Variants in GRM5 observed in about 807,000 individuals in gnomAD.
GRM5 encodes the protein glutamate metabotropic receptor 5, also known as metabotropic glutamate receptor 5.
GRM5 carries 19 observed loss-of-function variants against 83.1 expected under a neutral mutation model. The observed-to-expected ratio is 0.23, with a 90% confidence interval of 0.16 to 0.34. The LOEUF is 0.34. GRM5 is among the 10% of genes least tolerant of loss of function. GRM5 has a pLI of 1.00. For synonymous variants in GRM5, 675 were observed against 633.6 expected, an observed-to-expected ratio of 1.07 and a Z score of -0.98; for missense variants, 1,160 against 1,588.3, an observed-to-expected ratio of 0.73 and a Z score of 4.58.
chr11:88,809,937 C>A (rs1333652728), intron 3 of GRM5, among the ~76,000 whole-genome samples: 1 of 151,914 alleles, frequency 6.6e-6, no homozygotes, highest in Non-Finnish European at 1.5e-5. Context: ...GTTTCTTAAA[C>A]CTGATATTTG....
intron 2 of GRM5, among the ~76,000 whole-genome samples, chr11:89,036,463 G>A (rs189019531): frequency 1.2e-3 from 184 of 152,116 alleles, no homozygotes; most frequent in African/African-American, 4.3e-3. Context: ...GCCAAGATAA[G>A]GCAAGACAGG....
chr11:88,891,545 T>A (rs557162843), intron 2 of GRM5, among the ~76,000 whole-genome samples: 1 of 144,750 alleles, frequency 6.9e-6, no homozygotes, highest in South Asian at 2.3e-4. Flanking sequence ...AGTCTTAACT[T>A]ATATTTTTGT....
At chr11:88,779,060 TC>T (rs1341090485) in intron 3 of GRM5, among the ~76,000 whole-genome samples, 4 of 152,228 alleles carry the variant, frequency 2.6e-5, no homozygotes, top group Non-Finnish European at 5.9e-5. Flanking sequence ...CTCACAAAAA[TC>T]TTTTATAGAT....
At chr11:88,739,045 ATAAAAT>A (rs1941976261) in intron 3 of GRM5, among the ~76,000 whole-genome samples, 1 of 152,078 alleles carries the variant, frequency 6.6e-6, no homozygotes, top group Non-Finnish European at 1.5e-5. Context: ...CAAAATTTCC[ATAAAAT>A]TAAAATTACG....
At chr11:88,645,515 A>G (rs7946838) in intron 4 of GRM5, among the ~76,000 whole-genome samples, 3,334 of 152,190 alleles carry the variant, frequency 0.022, 94 homozygotes, top group East Asian at 0.12. Context: ...GGGTTTAAGA[A>G]ATAGGAGATG....
At chr11:88,783,263 G>T (rs1253578564) in intron 3 of GRM5, among the ~76,000 whole-genome samples, 1 of 152,104 alleles carries the variant, frequency 6.6e-6, no homozygotes, top group East Asian at 1.9e-4. Context: ...AATGATTTAT[G>T]AATTATAGTC....
intron 3 of GRM5, among the ~76,000 whole-genome samples, chr11:88,796,922 G>A (rs893294818): frequency 4.0e-4 from 59 of 147,902 alleles, no homozygotes; most frequent in Admixed American, 1.3e-3. Context: ...GTGTGTGTGT[G>A]TGTGTGTGTG....
At chr11:88,736,909 C>T (rs974695881) in intron 3 of GRM5, among the ~76,000 whole-genome samples, 2 of 152,032 alleles carry the variant, frequency 1.3e-5, no homozygotes, top group African/African-American at 2.4e-5. Flanking sequence ...CTAAGTTTCC[C>T]GTGCTGTGCC....
At chr11:88,953,742 G>A (rs892722072) in intron 2 of GRM5, among the ~76,000 whole-genome samples, 1 of 32,164 alleles carries the variant, frequency 3.1e-5, no homozygotes, top group Non-Finnish European at 2.9e-4. Flanking sequence ...GTAATTTATG[G>A]TGAAAAAAAT....
rs1026312078 is a variant in GRM5 at position 88,759,208 on chromosome 11, A to T, written c.911+90698T>A. Among the ~76,000 whole-genome samples, 3 of 152,110 alleles carry T rather than the reference A, an allele frequency of 2.0e-5. No individual in the cohort carries two copies. The East Asian group carries it at 5.8e-4, about 29-fold the overall frequency. On this transcript the variant is annotated intron_variant, in intron 3 of 9. Coordinates refer to ENST00000305447, the MANE Select transcript of GRM5 (RefSeq NM_001143831.3). ...AACCAGCTAACATCATGATGACAAG[A>T]TCAAATCCACACATATCAATACTCA...
chr11:88,958,764 T>C (rs1938698763), intron 2 of GRM5, among the ~76,000 whole-genome samples: 2 of 152,192 alleles, frequency 1.3e-5, no homozygotes, highest in African/African-American at 4.8e-5. Context: ...ATTTACTATA[T>C]TAAAAACTAA....
chr11:89,005,744 C>A (rs1940505627), intron 2 of GRM5, among the ~76,000 whole-genome samples: 1 of 152,072 alleles, frequency 6.6e-6, no homozygotes, highest in African/African-American at 2.4e-5. Context: ...CTTCAGTGAT[C>A]ATTGGCCAGA....
chr11:88,916,520 A>G (rs1398229592), intron 2 of GRM5, among the ~76,000 whole-genome samples: 2 of 152,136 alleles, frequency 1.3e-5, no homozygotes, highest in Admixed American at 6.6e-5. Context: ...AACCTGAGCC[A>G]TGGCTAGCAC....
chr11:88,933,730 T>C (rs968600929), intron 2 of GRM5, among the ~76,000 whole-genome samples: 14 of 151,864 alleles, frequency 9.2e-5, no homozygotes, highest in Admixed American at 7.9e-4. Context: ...AACCAAGAAA[T>C]CACACATGTT....
intron 3 of GRM5, among the ~76,000 whole-genome samples, chr11:88,842,112 T>C (rs1314763577): frequency 6.6e-6 from 1 of 152,186 alleles, no homozygotes; most frequent in African/African-American, 2.4e-5. Context: ...AATTTTAACT[T>C]CTTATAATAG....
rs190529841 is a variant in GRM5, at chr11:88,762,127, A to G, written c.911+87779T>C. ...TAATACCATTCTGGACATAGGAATG[A>G]GCAAAGATTTTATGACAAAGACACC... On this transcript the variant is annotated intron_variant, in intron 3 of 9. Coordinates refer to ENST00000305447, the MANE Select transcript of GRM5 (RefSeq NM_001143831.3). Among the ~76,000 whole-genome samples the G allele has an allele frequency of 2.5e-3, 387 of 152,202 alleles. 1 individual carries two copies. Among genetic ancestry groups the G allele is most frequent in the African/African-American group, 9.1e-3 (379 of 41,558 alleles).
At chr11:89,028,662 A>T (rs1466015822) in intron 2 of GRM5, among the ~76,000 whole-genome samples, 2 of 152,248 alleles carry the variant, frequency 1.3e-5, no homozygotes, top group African/African-American at 2.4e-5. Flanking sequence ...ACATGACGAA[A>T]GTGTTTGGTA....
At chr11:89,043,715 G>T (rs2135145284) in intron 2 of GRM5, among the ~76,000 whole-genome samples, 1 of 152,176 alleles carries the variant, frequency 6.6e-6, no homozygotes, top group Admixed American at 6.5e-5. Flanking sequence ...ATAATAGTCA[G>T]CTGGGTAATG....
intron 2 of GRM5, among the ~76,000 whole-genome samples, chr11:89,028,241 C>G (rs74820049): frequency 0.023 from 3,521 of 152,190 alleles, 132 homozygotes; most frequent in African/African-American, 0.081. Context: ...AACTAACATC[C>G]ACGCAGCACT....
Sources: allele counts gnomAD v4.1 joint callset (sites outside exome capture counted in the v4.1 genomes callset), GRCh38; gene constraint gnomAD v4.1.1; transcripts MANE v1.5; gene names NCBI Gene and HGNC (gene_info 2026-07-23, HGNC 2026-07-21).